MRTFA: variants seen among roughly 807,000 people sequenced by gnomAD.
The protein encoded by MRTFA is myocardin related transcription factor A.
MRTFA carries 20 observed loss-of-function variants against 83.5 expected under a neutral mutation model. That is an observed-to-expected ratio of 0.24 (90% CI 0.17 to 0.35). The LOEUF (loss-of-function observed/expected upper bound fraction) is 0.35, where lower values mean the gene tolerates loss of function less well. Ranked by LOEUF, MRTFA falls within the 10% of genes least tolerant of loss-of-function variation. The pLI is 1.00. For synonymous variants in MRTFA, 659 were observed against 541.2 expected (o/e 1.22, Z -3.02); for missense variants, 1,200 against 1,224.7 (o/e 0.98, Z 0.30).
Position 40,593,158 on chromosome 22 carries a change from C to T in MRTFA, c.-22+1516G>A, listed in dbSNP as rs376359641. Among the ~76,000 whole-genome samples the T allele has an allele frequency of 9.7e-4, 147 of 152,248 alleles. 7 individuals carry two copies. In the South Asian group the frequency reaches 0.03, roughly 31 times the overall value. ...AGTCTCCACCCTGCCTTTGGCTAAT[C>T]AGTAGCAAGCCCCCAAAAAAAGAAA... On this transcript the variant is annotated intron_variant, in intron 2 of 14. Coordinates refer to ENST00000355630, the MANE Select transcript of MRTFA (RefSeq NM_020831.6).
In MRTFA at chr22:40,416,867, A is replaced by G. The variant is rs1169466999; in HGVS notation, c.2578+119T>C. ...GGCTCACAGCCACCACTGCATCCAC[A>G]GTGCTTGCCCAAGACTGGTCACGCA... On this transcript the variant is annotated intron_variant, in intron 14 of 14. Coordinates refer to ENST00000355630, the MANE Select transcript of MRTFA (RefSeq NM_020831.6). The surrounding 1 kb of genome is among the most constrained non-coding windows in gnomAD (Gnocchi z 4.2). 3.2e-6 allele frequency: 3 copies of G among 942,294 alleles called. No homozygotes were observed. Among genetic ancestry groups the G allele is most frequent in the South Asian group, 1.5e-5 (1 of 65,142 alleles). 58.4% of individuals were successfully genotyped at this position (942,294 alleles called of 1,614,324 possible). A position where few individuals can be genotyped will look rare whatever the true frequency, so the allele number is the denominator to read the frequency against.
chr22:40,476,036 C>T lies in MRTFA; in HGVS notation c.242-12750G>A, dbSNP rs531615177. ...GCGGGTGCCTGTAGTCCCAGCTACT[C>T]GGGAGGCTGAGGCAGAAGAATGGCA... On this transcript the variant is annotated intron_variant, in intron 3 of 14. Transcript: ENST00000355630. 2.2e-3 allele frequency among the ~76,000 whole-genome samples: 324 copies of T among 148,356 alleles called. 1 individual carries two copies. The highest frequency in any genetic ancestry group is 7.6e-3 in the African/African-American group (307 of 40,648).
In MRTFA at chr22:40,419,376, C is replaced by T; in HGVS notation, c.1362G>A (p.Glu454=). 6.2e-7 allele frequency: 1 copy of T among 1,613,470 alleles called. No individual in the cohort carries two copies. The highest frequency in any genetic ancestry group is 8.5e-7 in the Non-Finnish European group (1 of 1,179,984). Residue 454 remains glutamate, a synonymous_variant, in exon 12 of 15, where the codon GAG becomes GAA. Coordinates refer to ENST00000355630, the MANE Select transcript of MRTFA (RefSeq NM_020831.6). ...ATCGCAACTTCAGCTCCTGCTTCAGCTCTGCCACCTGCAAGGCAGTCAAGA... is the reference window on the plus strand; with the variant it reads ...ATCGCAACTTCAGCTCCTGCTTCAGTTCTGCCACCTGCAAGGCAGTCAAGA...
At chr22:40,480,334 G>A (rs1197296801) in intron 3 of MRTFA, among the ~76,000 whole-genome samples, 1 of 151,396 alleles carries the variant, frequency 6.6e-6, no homozygotes, top group East Asian at 1.9e-4. Context: ...GGCTGGCCTT[G>A]AATTCCTGGC....
At chr22:40,519,692 C>G in intron 3 of MRTFA, 2 of 1,029,980 alleles carry the variant, frequency 1.9e-6, no homozygotes, top group Non-Finnish European at 2.6e-6. Context: ...AACAATCACA[C>G]CCACTCATGG....
chr22:40,550,033 A>T (rs1426249117), intron 3 of MRTFA, among the ~76,000 whole-genome samples: 3 of 138,774 alleles, frequency 2.2e-5, no homozygotes, highest in African/African-American at 8.2e-5. Context: ...TGGGCAACAG[A>T]GTGAGACTCT....
At chr22:40,478,226 C>T (rs1035377612) in intron 3 of MRTFA, among the ~76,000 whole-genome samples, 1 of 152,108 alleles carries the variant, frequency 6.6e-6, no homozygotes, top group Non-Finnish European at 1.5e-5. Flanking sequence ...TGATTAAATG[C>T]AATGTGGTAT....
intron 2 of MRTFA, among the ~76,000 whole-genome samples, chr22:40,593,224 C>A (rs147973810): frequency 7.9e-4 from 120 of 152,230 alleles, no homozygotes; most frequent in African/African-American, 2.8e-3. Context: ...CTCCAGAAAA[C>A]AAATGAAGTA....
chr22:40,579,586 G>A (rs182783970), intron 2 of MRTFA, among the ~76,000 whole-genome samples: 5 of 152,022 alleles, frequency 3.3e-5, no homozygotes, highest in East Asian at 1.9e-4. Context: ...CTGGCCAGGC[G>A]TGGTGGCTCA....
chr22:40,459,414 A>G (rs1399953520), intron 4 of MRTFA, among the ~76,000 whole-genome samples: 3 of 152,114 alleles, frequency 2.0e-5, no homozygotes, highest in Admixed American at 6.6e-5. Flanking sequence ...AGAAAAGCTG[A>G]TAACAAGACT....
rs759103928 is a variant in MRTFA, at chr22:40,411,748, C to T, written c.2738G>A (p.Arg913His). The T allele has an allele frequency of 1.2e-5, 19 of 1,546,084 alleles. No individual in the cohort carries two copies. Among genetic ancestry groups the T allele is most frequent in the South Asian group, 9.8e-5 (8 of 81,448 alleles). Residue 913 changes from arginine (R) to histidine (H), a missense_variant, in exon 15 of 15, where the codon CGC (arginine) becomes CAC (histidine). Physicochemically the swap from Arg to His is conservative, Grantham distance 29 (BLOSUM62 0). Around this residue, in one of 2 missense-constraint regions of MRTFA, gnomAD observed 1,107 missense variants for 1,041.8 expected, o/e 1.06. Transcript: ENST00000355630. ...GCTGCTCTCCAGGAAGTCCTCCAGG[C>T]GTCCAGGGAGGGAGGGTGAGCCTGG...
intron 2 of MRTFA, among the ~76,000 whole-genome samples, chr22:40,575,426 A>G (rs2055853607): frequency 6.6e-6 from 1 of 152,266 alleles, no homozygotes; most frequent in South Asian, 2.1e-4. Flanking sequence ...GAAAAATATT[A>G]TACTCAGATT....
At chr22:40,634,415 GTTAT>G (rs1236254609) in intron 1 of MRTFA, among the ~76,000 whole-genome samples, 1 of 152,198 alleles carries the variant, frequency 6.6e-6, no homozygotes, top group Non-Finnish European at 1.5e-5. Flanking sequence ...TTTCCAAGCT[GTTAT>G]TTCTCTTTGG....
intron 2 of MRTFA, among the ~76,000 whole-genome samples, chr22:40,552,837 T>C (rs561324355): frequency 5.1e-4 from 77 of 152,290 alleles, no homozygotes; most frequent in African/African-American, 1.8e-3. Flanking sequence ...GAAGCAACTT[T>C]GAAAATGGGT....
intron 3 of MRTFA, among the ~76,000 whole-genome samples, chr22:40,488,931 A>G (rs1336658213): frequency 1.3e-5 from 2 of 152,190 alleles, no homozygotes; most frequent in Admixed American, 1.3e-4. Context: ...TGTTATATCA[A>G]TACCAATACT....
chr22:40,627,631 A>T (rs2056596792), intron 1 of MRTFA, among the ~76,000 whole-genome samples: 1 of 152,264 alleles, frequency 6.6e-6, no homozygotes, highest in Non-Finnish European at 1.5e-5. Flanking sequence ...TACTAGAGGC[A>T]AAGTTAGGAA....
intron 3 of MRTFA, among the ~76,000 whole-genome samples, chr22:40,514,761 T>C (rs1251050255): frequency 1.3e-5 from 2 of 151,868 alleles, no homozygotes; most frequent in Admixed American, 6.6e-5. Context: ...ATTACAGATG[T>C]GAGCCACCAC....
intron 5 of MRTFA, among the ~76,000 whole-genome samples, chr22:40,432,150 G>A (rs1241719878): frequency 2.6e-5 from 4 of 152,152 alleles, no homozygotes; most frequent in Non-Finnish European, 5.9e-5. Flanking sequence ...GGAGGCTGAA[G>A]CAGGAGAATC....
Position 40,636,498 on chromosome 22 carries a change from C to G in MRTFA, c.-104G>C, listed in dbSNP as rs936218021. On this transcript the variant is annotated 5_prime_UTR_variant, in exon 1 of 15. Transcript: ENST00000355630. ...CTCACCGCCTCGCGCGGCTCCCGGC[C>G]GGGTTCCGCGGCTCGCCCCACTCCG... 3.3e-5 allele frequency: 5 copies of G among 152,382 alleles called. No individual in the cohort carries two copies. The highest frequency in any genetic ancestry group is 7.3e-5 in the Non-Finnish European group (5 of 68,164). The allele number at this position is 152,382 out of a possible 1,614,324, so 9.4% of individuals were successfully genotyped here. A position where few individuals can be genotyped will look rare whatever the true frequency, so the allele number is the denominator to read the frequency against.
Sources: allele counts gnomAD v4.1 joint callset (sites outside exome capture counted in the v4.1 genomes callset), GRCh38; gene constraint gnomAD v4.1.1; regional missense constraint gnomAD v4.1.1; non-coding constraint Gnocchi (gnomAD v3.1); transcripts MANE v1.5; gene names NCBI Gene and HGNC (gene_info 2026-07-23, HGNC 2026-07-21).